PLCB1: variants seen among roughly 807,000 people sequenced by gnomAD.
PLCB1 encodes 1-phosphatidylinositol 4,5-bisphosphate phosphodiesterase beta-1.
PLCB1 carries 46 observed loss-of-function variants against 161.8 expected under a neutral mutation model. The ratio of observed to expected loss-of-function variants is 0.28; its 90% CI spans 0.22 to 0.36. The LOEUF (loss-of-function observed/expected upper bound fraction) is 0.36. PLCB1 is among the 10% of genes least tolerant of loss of function. PLCB1 has a pLI of 1.00. For missense variants in PLCB1, 1,016 were observed against 1,472.5 expected (o/e 0.69, Z 5.07); for synonymous variants, 517 against 503.7 (o/e 1.03, Z -0.35).
rs34024831 is a variant in PLCB1 at position 8,539,616 on chromosome 20, TTTTC to T, written c.247-88610_247-88607del. Among the ~76,000 whole-genome samples the T allele has an allele frequency of 4.4e-3, 425 of 97,000 alleles. 1 individual carries two copies. The highest frequency in any genetic ancestry group is 6.1e-3 in the East Asian group (22 of 3,592). The allele number at this position is 97,000 out of a possible 152,430, so 63.6% of individuals were successfully genotyped here. ...GGTAGATACTTGCCTCTTTTCTTTA[TTTTC>T]TTTCTTTCTTTCTTTCTTTCTTTCT... On this transcript the variant is annotated intron_variant, in intron 3 of 31. Coordinates refer to ENST00000338037, the MANE Select transcript of PLCB1 (RefSeq NM_015192.4).
At chr20:8,564,493 A>G (rs1465004045) in intron 3 of PLCB1, among the ~76,000 whole-genome samples, 1 of 152,230 alleles carries the variant, frequency 6.6e-6, no homozygotes, top group African/African-American at 2.4e-5. Context: ...ATGGGACCTA[A>G]TTAAACTAAA....
intron 2 of PLCB1, among the ~76,000 whole-genome samples, chr20:8,304,001 G>T (rs1249024664): frequency 6.6e-6 from 1 of 152,154 alleles, no homozygotes; most frequent in Non-Finnish European, 1.5e-5. Context: ...AGCATTTCTT[G>T]CTGTTTTCTT....
intron 3 of PLCB1, among the ~76,000 whole-genome samples, chr20:8,478,225 C>T (rs1428485308): frequency 6.6e-6 from 1 of 152,160 alleles, no homozygotes; most frequent in Non-Finnish European, 1.5e-5. Context: ...ATGGTGACAA[C>T]CGCAAAAGGT....
chr20:8,747,443 G>A (rs1016653717), intron 23 of PLCB1, among the ~76,000 whole-genome samples: 9 of 152,090 alleles, frequency 5.9e-5, no homozygotes, highest in East Asian at 1.9e-4. Context: ...TCCCAACATC[G>A]TCTGTTTCAT....
chr20:8,835,280 G>C (rs1179934087), intron 31 of PLCB1, among the ~76,000 whole-genome samples: 1 of 152,150 alleles, frequency 6.6e-6, no homozygotes, highest in African/African-American at 2.4e-5. Context: ...AGATGAATTC[G>C]GAGTGCCCTT....
chr20:8,183,848 C>G (rs2051873043), intron 2 of PLCB1, among the ~76,000 whole-genome samples: 1 of 152,112 alleles, frequency 6.6e-6, no homozygotes, highest in Admixed American at 6.5e-5. Context: ...TTTGCAGCCA[C>G]TGAGATAAAA....
chr20:8,873,433 C>T (rs1371296701), intron 31 of PLCB1, among the ~76,000 whole-genome samples: 1 of 152,004 alleles, frequency 6.6e-6, no homozygotes, highest in African/African-American at 2.4e-5. Context: ...GTAAAATTGT[C>T]CTAGTCACTG....
intron 2 of PLCB1, among the ~76,000 whole-genome samples, chr20:8,362,980 CTG>C (rs1986593327): frequency 6.6e-6 from 1 of 152,144 alleles, no homozygotes; most frequent in Non-Finnish European, 1.5e-5. Flanking sequence ...GTTTCCTCAT[CTG>C]TGTTCTCTTT....
intron 3 of PLCB1, among the ~76,000 whole-genome samples, chr20:8,423,735 T>C (rs956711010): frequency 2.0e-5 from 3 of 152,168 alleles, no homozygotes; most frequent in Non-Finnish European, 4.4e-5. Context: ...ATACTATGAC[T>C]GGGAGGAAAC....
At chr20:8,873,066 A>G (rs1181792795) in intron 31 of PLCB1, among the ~76,000 whole-genome samples, 1 of 152,228 alleles carries the variant, frequency 6.6e-6, no homozygotes, top group African/African-American at 2.4e-5. Flanking sequence ...TCAGTCAGCC[A>G]TATTGACTCA....
chr20:8,798,214 T>G (rs1477697567), intron 31 of PLCB1, among the ~76,000 whole-genome samples: 3 of 151,878 alleles, frequency 2.0e-5, no homozygotes, highest in African/African-American at 7.3e-5. Flanking sequence ...AAAAAAAGCT[T>G]TAGTATCAAA....
intron 25 of PLCB1, 85 bp downstream of exon 25, chr20:8,760,545 A>T (rs1039457215): frequency 7.1e-6 from 6 of 845,740 alleles, no homozygotes; most frequent in Non-Finnish European, 1.1e-5. Flanking sequence ...ATTTCCATTC[A>T]TATCTGAAAA....
chr20:8,494,256 G>A (rs970382695), intron 3 of PLCB1, among the ~76,000 whole-genome samples: 1 of 152,078 alleles, frequency 6.6e-6, no homozygotes, highest in African/African-American at 2.4e-5. Context: ...CTTTCCTCCC[G>A]CTTTTGAAGT....
At chr20:8,468,142 A>G (rs1008628122) in intron 3 of PLCB1, among the ~76,000 whole-genome samples, 2 of 152,182 alleles carry the variant, frequency 1.3e-5, no homozygotes, top group African/African-American at 4.8e-5. Context: ...AAGTCAGAAT[A>G]GAGTTTTCCC....
In PLCB1 at chr20:8,672,399, CTT is replaced by C. The variant is rs11289990; in HGVS notation, c.863-12517_863-12516del. Among the ~76,000 whole-genome samples, 525 of 138,482 alleles carry C rather than the reference CTT, an allele frequency of 3.8e-3. 1 individual carries two copies. The highest frequency in any genetic ancestry group is 4.5e-3 in the Admixed American group (63 of 13,936). The allele number at this position is 138,482 out of a possible 152,430, so 90.8% of individuals were successfully genotyped here. ...CTTCCTTGCACTTTCCTGTTATACT[CTT>C]TTTTTTTTTTTTTTTAGTACTGCAT... On this transcript the variant is annotated intron_variant, in intron 9 of 31. Coordinates refer to ENST00000338037, the MANE Select transcript of PLCB1 (RefSeq NM_015192.4).
rs952866574 is a variant in PLCB1 at position 8,648,040 on chromosome 20, A to T, written c.518+87A>T. The T allele has an allele frequency of 2.6e-5, 25 of 972,818 alleles. No homozygotes were observed. The Admixed American group carries it at 5.1e-4, about 20-fold the overall frequency. The allele number at this position is 972,818 out of a possible 1,614,324, so 60.3% of individuals were successfully genotyped here. Reference sequence around the variant, plus strand: ...CATGGCTCTGTTTTGTTTCTCCAGCAGCCTAAGTGGGAGTGTGGAAATGCG... The same window carrying T: ...CATGGCTCTGTTTTGTTTCTCCAGCTGCCTAAGTGGGAGTGTGGAAATGCG... On this transcript the variant is annotated intron_variant, in intron 6 of 31. Transcript: ENST00000338037.
At chr20:8,427,526 G>T (rs1979838507) in intron 3 of PLCB1, among the ~76,000 whole-genome samples, 2 of 152,162 alleles carry the variant, frequency 1.3e-5, no homozygotes, top group African/African-American at 4.8e-5. Context: ...AGACCAACAG[G>T]TTCGTATGCC....
At chr20:8,874,553 G>C (rs1186426059) in intron 31 of PLCB1, among the ~76,000 whole-genome samples, 1 of 151,972 alleles carries the variant, frequency 6.6e-6, no homozygotes, top group Non-Finnish European at 1.5e-5. Flanking sequence ...AAATAAATAT[G>C]CTAATGCTAT....
intron 4 of PLCB1, among the ~76,000 whole-genome samples, chr20:8,631,238 T>C (rs902894380): frequency 6.6e-6 from 1 of 152,236 alleles, no homozygotes; most frequent in Non-Finnish European, 1.5e-5. Flanking sequence ...CAGGTGATGC[T>C]AATGCTGCTG....
Sources: gnomAD v4.1 joint callset for allele counts (sites outside exome capture counted in the v4.1 genomes callset) on GRCh38, gnomAD v4.1.1 for gene constraint, MANE v1.5 for transcripts, NCBI Gene and HGNC (gene_info 2026-07-23, HGNC 2026-07-21) for gene names.